Variants in ZNF622 observed in about 807,000 individuals in gnomAD.
ZNF622 encodes zinc finger protein 622.
In ZNF622, 34 loss-of-function variants were observed where a neutral mutation model predicts 49.7. That is an observed-to-expected ratio of 0.68 (90% confidence interval 0.52 to 0.91). The LOEUF is 0.91. Among genes scored for constraint, ZNF622 ranks in the 40% least tolerant of loss-of-function variants. ZNF622 has a pLI of 0.00. For missense variants in ZNF622, 569 were observed against 616.4 expected (o/e 0.92, Z 0.81); for synonymous variants, 209 against 228.7 (o/e 0.91, Z 0.78).
rs1352088543 is a variant in ZNF622 at position 16,463,525 on chromosome 5, A to G, written c.843T>C (p.Asp281=). The G allele has an allele frequency of 6.2e-7, 1 of 1,614,026 alleles. No homozygotes were observed. Among genetic ancestry groups the G allele is most frequent in the South Asian group, 1.1e-5 (1 of 91,076 alleles). The change falls in exon 2 of 6, where the codon GAT becomes GAC. Residue 281 remains aspartate, a synonymous_variant. Transcript: ENST00000308683. The surrounding 1 kb of genome is among the most constrained non-coding windows in gnomAD (Gnocchi z 4.2). ...CCTTAATATCTGAAAGATATTCTATATCAGGAATAAAGAAACTGTGGTCTT... is the reference window on the plus strand; with the variant it reads ...CCTTAATATCTGAAAGATATTCTATGTCAGGAATAAAGAAACTGTGGTCTT... The part of the protein sequence containing the change: ...MTKDHSFFIP[D]IEYLSDIKGL...
In ZNF622 at chr5:16,463,595, G is replaced by C. The variant is rs778061757; in HGVS notation, c.773C>G (p.Ser258Cys). 1.6e-5 allele frequency: 26 copies of C among 1,614,054 alleles called. No individual in the cohort carries two copies. The highest frequency in any genetic ancestry group is 2.0e-5 in the Non-Finnish European group (24 of 1,180,050). ...AIPITDCLFC[S>C]HHSSSLMKNV... ...CTTCATCAGCGAGCTGGAATGATGG[G>C]AACAAAATAAGCAGTCCGTGATAGG... Residue 258 changes from serine (S) to cysteine (C), a missense_variant, in exon 2 of 6, where the codon TCC becomes TGC. Ser to Cys is a moderately radical substitution (Grantham distance 112). Transcript: ENST00000308683. This position sits in a 1 kb window ranked among gnomAD's most constrained non-coding sequence, Gnocchi z 4.2.
Position 16,463,748 on chromosome 5 carries a change from A to G in ZNF622, c.626-6T>C. The G allele has an allele frequency of 6.2e-7, 1 of 1,608,468 alleles. No individual in the cohort carries two copies. Among genetic ancestry groups the G allele is most frequent in the Non-Finnish European group, 8.5e-7 (1 of 1,176,968 alleles). ...AGAATCAATATCTTCCCAATCTGCAAGCCAGAATTTTGAAATATAAAGTTT... is the reference window on the plus strand; with the variant it reads ...AGAATCAATATCTTCCCAATCTGCAGGCCAGAATTTTGAAATATAAAGTTT... On this transcript the variant is annotated splice_polypyrimidine_tract_variant and splice_region_variant and intron_variant, in intron 1 of 5. Transcript: ENST00000308683. This position sits in a 1 kb window ranked among gnomAD's most constrained non-coding sequence, Gnocchi z 4.2.
chr5:16,465,457 G>T lies in ZNF622; in HGVS notation c.209C>A (p.Thr70Asn), dbSNP rs1738203806. The change falls in exon 1 of 6, where the codon ACC (threonine) becomes AAC (asparagine). Residue 70 changes from threonine to asparagine, a missense_variant. Physicochemically the swap from Thr to Asn is moderately conservative, Grantham distance 65 (BLOSUM62 0). Transcript: ENST00000308683. This position sits in a 1 kb window ranked among gnomAD's most constrained non-coding sequence, Gnocchi z 6.2. Reference protein sequence around the residue: ...EESKGSATYCTVCSKKFASFN... With the variant: ...EESKGSATYCNVCSKKFASFN... ...AGAGGCAAACTTCTTACTGCAAACG[G>T]TGCAGTAGGTGGCCGAGCCCTTGCT... 1 of 1,614,124 alleles carries T rather than the reference G, an allele frequency of 6.2e-7. No homozygotes were observed. Among genetic ancestry groups the T allele is most frequent in the Admixed American group, 1.7e-5 (1 of 60,010 alleles).
intron 4 of ZNF622, 143 bp from the exon 5 acceptor site, chr5:16,453,299 T>A: frequency 2.4e-6 from 2 of 818,458 alleles, no homozygotes; most frequent in African/African-American, 1.8e-5. Flanking sequence ...TTGTTCTATC[T>A]ACTAAAGACA....
At chr5:16,458,462 C>T (rs1157360744) in intron 4 of ZNF622, 55 bp downstream of exon 4, 1 of 1,179,806 alleles carries the variant, frequency 8.5e-7, no homozygotes, top group Non-Finnish European at 1.3e-6. Context: ...TGGAGATATG[C>T]TTCTCCCTCA....
rs955806248 is a variant in ZNF622 at position 16,463,275 on chromosome 5, A to G, written c.887-5T>C. The G allele has an allele frequency of 2.5e-6, 4 of 1,587,196 alleles. No individual in the cohort carries two copies. Among genetic ancestry groups the G allele is most frequent in the Non-Finnish European group, 3.4e-6 (4 of 1,173,180 alleles). On this transcript the variant is annotated splice_polypyrimidine_tract_variant and splice_region_variant and intron_variant, in intron 2 of 5. Coordinates refer to ENST00000308683, the MANE Select transcript of ZNF622 (RefSeq NM_033414.3). This position sits in a 1 kb window ranked among gnomAD's most constrained non-coding sequence, Gnocchi z 4.2. ...TGCCAACACCAACTTTCTCTCCTAG[A>G]AAAATAATTTAAGGAAAAAATATGA...
At chr5:16,459,571 T>C (rs1738090275) in intron 3 of ZNF622, among the ~76,000 whole-genome samples, 1 of 152,164 alleles carries the variant, frequency 6.6e-6, no homozygotes, top group African/African-American at 2.4e-5. Flanking sequence ...CCTATAAACA[T>C]TTGCCAAAGA....
In ZNF622 at chr5:16,463,634, G is replaced by C; in HGVS notation, c.734C>G (p.Pro245Arg). 1 of 1,614,174 alleles carries C rather than the reference G, an allele frequency of 6.2e-7. No homozygotes were observed. Among genetic ancestry groups the C allele is most frequent in the Non-Finnish European group, 8.5e-7 (1 of 1,180,036 alleles). The change falls in exon 2 of 6, where the codon CCC becomes CGC. Residue 245 changes from proline to arginine, a missense_variant. Pro to Arg is a moderately radical substitution (Grantham distance 103). Coordinates refer to ENST00000308683, the MANE Select transcript of ZNF622 (RefSeq NM_033414.3). This position sits in a 1 kb window ranked among gnomAD's most constrained non-coding sequence, Gnocchi z 4.2. Reference sequence around the variant, plus strand: ...GTCCGTGATAGGGATGGCACCAAGGGGTGGGCCTTCCTCAGCCTCTTCCTC... The same window carrying C: ...GTCCGTGATAGGGATGGCACCAAGGCGTGGGCCTTCCTCAGCCTCTTCCTC... ...AEEEEAEEGPPLGAIPITDCL... is the reference protein window; with the variant it reads ...AEEEEAEEGPRLGAIPITDCL...
At chr5:16,452,287 T>G (rs1473711597) in intron 5 of ZNF622, among the ~76,000 whole-genome samples, 1 of 152,134 alleles carries the variant, frequency 6.6e-6, no homozygotes, top group Admixed American at 6.5e-5. Flanking sequence ...TCCACAGTCC[T>G]CAGTTGGATA....
At position 16,451,782 on chromosome 5, in the gene ZNF622, CTCCTA is replaced by C; in HGVS notation, c.1307-3_1308del. The stretch of plus-strand genomic sequence containing the variant: ...ATGTCTCGCTCTCGCATAAGAGCCG[CTCCTA>C]TGATTGGAAGGCAGTTAAGAAATTA... On this transcript the variant is annotated splice_acceptor_variant and splice_polypyrimidine_tract_variant and coding_sequence_variant and intron_variant, in exon 6 of 6. Coordinates refer to ENST00000308683, the MANE Select transcript of ZNF622 (RefSeq NM_033414.3). LOFTEE classifies it high-confidence loss of function. 1 of 1,611,830 alleles carries C rather than the reference CTCCTA, an allele frequency of 6.2e-7. No individual in the cohort carries two copies. The highest frequency in any genetic ancestry group is 1.1e-5 in the South Asian group (1 of 90,500).
Position 16,465,545 on chromosome 5 carries a change from G to A in ZNF622, c.121C>T (p.Pro41Ser). The A allele has an allele frequency of 6.2e-7, 1 of 1,613,848 alleles. No homozygotes were observed. Among genetic ancestry groups the A allele is most frequent in the Non-Finnish European group, 8.5e-7 (1 of 1,179,914 alleles). Residue 41 changes from proline to serine, a missense_variant, in exon 1 of 6, where the codon CCA becomes TCA. Transcript: ENST00000308683. This position sits in a 1 kb window ranked among gnomAD's most constrained non-coding sequence, Gnocchi z 6.2. ...TCCTGGAAGCCCTCGGCGGTCACTG[G>A]GGCCATGCTGGCCACCTTCCGCCGC... Reference protein sequence around the residue: ...NLRRKVASMAPVTAEGFQERV... With the variant: ...NLRRKVASMASVTAEGFQERV...
intron 4 of ZNF622, among the ~76,000 whole-genome samples, chr5:16,455,940 A>T (rs1206404197): frequency 1.3e-5 from 2 of 152,194 alleles, no homozygotes; most frequent in Non-Finnish European, 2.9e-5. Context: ...GGACAGCTAC[A>T]CTTGAAGGCC....
intron 3 of ZNF622, among the ~76,000 whole-genome samples, chr5:16,458,862 G>A (rs1445035467): frequency 1.3e-5 from 2 of 152,206 alleles, no homozygotes; most frequent in Non-Finnish European, 2.9e-5. Flanking sequence ...TTTTTCCCTA[G>A]AAAGGCTGTC....
chr5:16,454,386 G>A (rs1036068969), intron 4 of ZNF622, among the ~76,000 whole-genome samples: 1 of 150,072 alleles, frequency 6.7e-6, no homozygotes, highest in African/African-American at 2.4e-5. Context: ...TACTCGGGAG[G>A]CTGAGGCAGG....
Position 16,465,201 on chromosome 5 carries a change from G to C in ZNF622, c.465C>G (p.Ala155=). 6.2e-7 allele frequency: 1 copy of C among 1,614,202 alleles called. No homozygotes were observed. ...KKAPPAPAKE[A]RNVVAVGTGG... is the part of the protein sequence containing the mutation. ...CAGTACCCACGGCCACGACATTCCT[G>C]GCCTCCTTTGCAGGCGCTGGGGGCG... is the stretch of plus-strand genomic sequence containing the variant. Residue 155 remains alanine (A), a synonymous_variant, in exon 1 of 6, where the codon GCC becomes GCG. Transcript: ENST00000308683. The surrounding 1 kb of genome is among the most constrained non-coding windows in gnomAD (Gnocchi z 6.2).
Position 16,465,021 on chromosome 5 carries a change from C to T in ZNF622, c.625+20G>A. 6.5e-7 allele frequency: 1 copy of T among 1,548,344 alleles called. No homozygotes were observed. The highest frequency in any genetic ancestry group is 1.3e-5 in the South Asian group (1 of 79,724). ...GGGCCAAGTTCCTCTTTACCCTCCC[C>T]GCCCAGACAGGGCCATCACCGTCTC... On this transcript the variant is annotated intron_variant, in intron 1 of 5. Coordinates refer to ENST00000308683, the MANE Select transcript of ZNF622 (RefSeq NM_033414.3). This position sits in a 1 kb window ranked among gnomAD's most constrained non-coding sequence, Gnocchi z 6.2.
chr5:16,457,682 G>T (rs1738053577), intron 4 of ZNF622, among the ~76,000 whole-genome samples: 1 of 152,180 alleles, frequency 6.6e-6, no homozygotes, highest in African/African-American at 2.4e-5. Context: ...CTCTCCACCA[G>T]CAGGGTGTGT....
chr5:16,459,574 G>A (rs918471679), intron 3 of ZNF622, among the ~76,000 whole-genome samples: 13 of 152,108 alleles, frequency 8.5e-5, no homozygotes. Context: ...ATAAACATTT[G>A]CCAAAGACAC....
At chr5:16,464,980 C>A in intron 1 of ZNF622, 61 bp downstream of exon 1, 1 of 1,520,020 alleles carries the variant, frequency 6.6e-7, no homozygotes. Context: ...GAGTATAAAT[C>A]TGGAAACTTA....
Sources: gnomAD v4.1 joint callset for allele counts (sites outside exome capture counted in the v4.1 genomes callset) on GRCh38, gnomAD v4.1.1 for gene constraint, Gnocchi (gnomAD v3.1) non-coding constraint, MANE v1.5 for transcripts, NCBI Gene and HGNC (gene_info 2026-07-23, HGNC 2026-07-21) for gene names.